Variants in MAP4 observed in about 807,000 individuals in gnomAD.
MAP4 encodes microtubule associated protein 4.
A neutral mutation model predicts 170.2 loss-of-function variants in MAP4; 76 were observed. The observed-to-expected ratio is 0.45, with a 90% confidence interval of 0.37 to 0.54. MAP4 has a LOEUF of 0.54. Among genes scored for constraint, MAP4 ranks in the 20% least tolerant of loss-of-function variants. The pLI is 0.00. For missense variants in MAP4, 2,506 were observed against 2,748.0 expected (o/e 0.91, Z 1.97); for synonymous variants, 909 against 994.5 (o/e 0.91, Z 1.62).
intron 6 of MAP4, 135 bp from the exon 7 acceptor site, chr3:47,917,309 CG>C: frequency 1.4e-6 from 1 of 723,704 alleles, no homozygotes; most frequent in Non-Finnish European, 2.3e-6. Flanking sequence ...AATGTTAGGC[CG>C]GGCACAGTGG....
intron 10 of MAP4, among the ~76,000 whole-genome samples, chr3:47,890,028 T>C (rs1250614366): frequency 6.6e-6 from 1 of 151,842 alleles, no homozygotes; most frequent in Non-Finnish European, 1.5e-5. Context: ...AAGTACAATT[T>C]CATAAAAATA....
chr3:47,973,781 C>G, intron 3 of MAP4: 3 of 985,366 alleles, frequency 3.0e-6, no homozygotes, highest in Non-Finnish European at 2.4e-6. Context: ...TTGAAAAGAT[C>G]CCTGGCGAAA....
chr3:48,013,431 A>C (rs1296961067), intron 1 of MAP4: 4 of 152,182 alleles, frequency 2.6e-5, no homozygotes, highest in Non-Finnish European at 5.9e-5. Context: ...TGGGTACAGA[A>C]GTCTGTATGC....
chr3:47,917,563 G>A (rs1290258862), intron 6 of MAP4, among the ~76,000 whole-genome samples: 2 of 149,834 alleles, frequency 1.3e-5, no homozygotes, highest in Non-Finnish European at 3.0e-5. Flanking sequence ...TCCAGCCTGG[G>A]GGACAGGGCA....
chr3:47,915,982 C>T lies in MAP4; in HGVS notation c.1845G>A (p.Gln615=). 6.2e-7 allele frequency: 1 copy of T among 1,613,552 alleles called. No individual in the cohort carries two copies. Among genetic ancestry groups the T allele is most frequent in the Non-Finnish European group, 8.5e-7 (1 of 1,179,722 alleles). The part of the protein sequence containing the change: ...SHLESLQDVG[Q]SAAPTFMISP... ...AAATCATGAAAGTAGGTGCAGCTGACTGCCCCACATCCTGCAGAGATTCTA... is the reference window on the plus strand; with the variant it reads ...AAATCATGAAAGTAGGTGCAGCTGATTGCCCCACATCCTGCAGAGATTCTA... Residue 615 remains glutamine, a synonymous_variant, in exon 7 of 21, where the codon CAG becomes CAA. Coordinates refer to ENST00000683076, the MANE Select transcript of MAP4 (RefSeq NM_001385682.1).
At chr3:47,901,048 TG>T (rs1369722166) in intron 10 of MAP4, among the ~76,000 whole-genome samples, 1 of 152,196 alleles carries the variant, frequency 6.6e-6, no homozygotes, top group African/African-American at 2.4e-5. Flanking sequence ...CACTTCACTA[TG>T]CATGCCTTTA....
intron 3 of MAP4, among the ~76,000 whole-genome samples, chr3:47,975,769 C>T (rs2100081711): frequency 6.6e-6 from 1 of 151,854 alleles, no homozygotes; most frequent in South Asian, 2.1e-4. Flanking sequence ...CCAAATAAAA[C>T]ATGCATATTT....
chr3:47,970,246 G>A (rs548840015), intron 3 of MAP4, among the ~76,000 whole-genome samples: 1 of 152,068 alleles, frequency 6.6e-6, no homozygotes, highest in African/African-American at 2.4e-5. Context: ...AGCACTTTGG[G>A]AGGCCGAGGT....
chr3:48,074,725 T>TGTGTGTGTGG, intron 1 of MAP4, among the ~76,000 whole-genome samples: 1 of 147,422 alleles, frequency 6.8e-6, no homozygotes, highest in East Asian at 2.0e-4. Flanking sequence ...TGTGTGTGTG[T>TGTGTGTGTGG]GATATGTCGG....
chr3:47,867,440 A>G, intron 16 of MAP4, 102 bp from the exon 17 acceptor site: 1 of 777,914 alleles, frequency 1.3e-6, no homozygotes, highest in Non-Finnish European at 2.3e-6. Flanking sequence ...ATGACCAACA[A>G]AAAGTGTTGT....
intron 1 of MAP4, among the ~76,000 whole-genome samples, chr3:48,075,394 G>A (rs939134774): frequency 6.6e-6 from 1 of 151,964 alleles, no homozygotes; most frequent in African/African-American, 2.4e-5. Flanking sequence ...GTGTGGTGGT[G>A]CATGCCTGTA....
intron 1 of MAP4, among the ~76,000 whole-genome samples, chr3:48,076,945 T>TTCAC: frequency 6.9e-6 from 1 of 144,634 alleles, no homozygotes; most frequent in African/African-American, 2.6e-5. Context: ...AGCCCAGGAG[T>TTCAC]TCACTGGGCA....
intron 2 of MAP4, among the ~76,000 whole-genome samples, chr3:47,992,945 G>A (rs1015222699): frequency 2.7e-5 from 4 of 149,368 alleles, no homozygotes; most frequent in Non-Finnish European, 4.4e-5. Context: ...GTTATAACAC[G>A]TCTGAACAGG....
At position 47,852,838 on chromosome 3, in the gene MAP4, T is replaced by C. The variant is rs1464970088; in HGVS notation, c.*96A>G. On this transcript the variant is annotated 3_prime_UTR_variant, in exon 21 of 21. Transcript: ENST00000683076. ...GGGGCCAAGGACCCGGGAGCCCGAG[T>C]TGGGGCCGCCAGGGAAGTGTGGGGG... 7.1e-6 allele frequency: 11 copies of C among 1,554,752 alleles called. No individual in the cohort carries two copies. Among genetic ancestry groups the C allele is most frequent in the East Asian group, 4.9e-5 (2 of 40,976 alleles).
At chr3:47,905,684 A>G (rs1225230834) in intron 9 of MAP4, among the ~76,000 whole-genome samples, 1 of 129,412 alleles carries the variant, frequency 7.7e-6, no homozygotes, top group African/African-American at 3.5e-5. Context: ...TAATACATGA[A>G]GAAGTCACTA....
chr3:48,064,222 C>G (rs994713835), intron 1 of MAP4, among the ~76,000 whole-genome samples: 1 of 152,166 alleles, frequency 6.6e-6, no homozygotes, highest in South Asian at 2.1e-4. Context: ...TAAATTACTC[C>G]TGGGGATAAC....
At position 48,001,935 on chromosome 3, in the gene MAP4, G is replaced by A. The variant is rs556261566; in HGVS notation, c.-19-3056C>T. Among the ~76,000 whole-genome samples, 14 of 151,682 alleles carry A rather than the reference G, an allele frequency of 9.2e-5. No individual in the cohort carries two copies. The East Asian group carries it at 1.8e-3, about 19-fold the overall frequency. On this transcript the variant is annotated intron_variant, in intron 1 of 20. Coordinates refer to ENST00000683076, the MANE Select transcript of MAP4 (RefSeq NM_001385682.1). Reference sequence around the variant, plus strand: ...CTTGTTGCCCAGGCTGGAGTGCAACGGCACCATCTCAGCTCACCGGAACCT... The same window carrying A: ...CTTGTTGCCCAGGCTGGAGTGCAACAGCACCATCTCAGCTCACCGGAACCT...
At chr3:48,013,350 C>T (rs1384880190) in intron 1 of MAP4, 1 of 151,776 alleles carries the variant, frequency 6.6e-6, no homozygotes, top group Non-Finnish European at 1.5e-5. Flanking sequence ...TACTATTCCT[C>T]TTCTATCCAT....
intron 3 of MAP4, among the ~76,000 whole-genome samples, chr3:47,951,921 C>A (rs543563727): frequency 1.0e-3 from 159 of 152,080 alleles, no homozygotes; most frequent in Non-Finnish European, 1.7e-3. Context: ...CTCTTCCCGG[C>A]CGCCATCCCA....
Sources: gnomAD v4.1 joint callset for allele counts (sites outside exome capture counted in the v4.1 genomes callset) on GRCh38, gnomAD v4.1.1 for gene constraint, MANE v1.5 for transcripts, NCBI Gene and HGNC (gene_info 2026-07-23, HGNC 2026-07-21) for gene names.